The following MKLN1 variants were observed in gnomAD, a reference collection of about 807,000 sequenced individuals.
The protein encoded by MKLN1 is muskelin 1, also known as muskelin.
A neutral mutation model predicts 99.0 loss-of-function variants in MKLN1; 18 were observed. The ratio of observed to expected loss-of-function variants is 0.18; its 90% confidence interval spans 0.13 to 0.27. The LOEUF (loss-of-function observed/expected upper bound fraction) is 0.27. Ranked by LOEUF, MKLN1 falls within the 10% of genes least tolerant of loss-of-function variation. The pLI, the probability that MKLN1 is intolerant of heterozygous loss-of-function variation, is 1.00. For synonymous variants in MKLN1, 288 were observed against 293.2 expected (o/e 0.98, Z 0.18); for missense variants, 621 against 875.9 (o/e 0.71, Z 3.67).
At chr7:131,385,118 G>A (rs1039310376) in intron 2 of MKLN1, among the ~76,000 whole-genome samples, 1 of 152,176 alleles carries the variant, frequency 6.6e-6, no homozygotes, top group African/African-American at 2.4e-5. Flanking sequence ...GGGTAAGTCA[G>A]ACTGGCTTTT....
intron 1 of MKLN1, among the ~76,000 whole-genome samples, chr7:131,349,894 A>C (rs1257985931): frequency 6.6e-6 from 1 of 152,130 alleles, no homozygotes; most frequent in East Asian, 1.9e-4. Context: ...TGGTCGCTCC[A>C]TTCATTCTTG....
At chr7:131,325,234 G>A (rs1290373461), upstream of MKLN1, among the ~76,000 whole-genome samples, 1 of 151,774 alleles carries the variant, frequency 6.6e-6, no homozygotes, top group Non-Finnish European at 1.5e-5. Context: ...GAGAAAGAAA[G>A]GGGAAAAAAG....
upstream of MKLN1, among the ~76,000 whole-genome samples, chr7:131,326,035 T>C (rs1202660926): frequency 1.3e-5 from 2 of 152,194 alleles, no homozygotes; most frequent in African/African-American, 4.8e-5. Flanking sequence ...TAACATGTGT[T>C]TTTAAAAAAG....
At chr7:131,335,324 T>C (rs1799219839) in intron 1 of MKLN1, among the ~76,000 whole-genome samples, 4 of 152,166 alleles carry the variant, frequency 2.6e-5, no homozygotes, top group Non-Finnish European at 4.4e-5. Context: ...AAAGATATTG[T>C]TTGTTTAATG....
At chr7:131,444,749 AGTAGTAGT>A (rs1563351893) in intron 11 of MKLN1, among the ~76,000 whole-genome samples, 2,360 of 102,752 alleles carry the variant, frequency 0.023, 21 homozygotes, top group East Asian at 0.035. Context: ...TAGTAGTAGT[AGTAGTAGT>A]AGAAGAAGTA....
At position 131,297,369 on chromosome 7, in the gene MKLN1, AAT is replaced by A. The variant is rs201391394; in HGVS notation, c.-178-78042_-178-78041del. Among the ~76,000 whole-genome samples, 147 of 149,710 alleles carry A rather than the reference AAT, an allele frequency of 9.8e-4. 1 individual carries two copies. Among genetic ancestry groups the A allele is most frequent in the African/African-American group, 3.0e-3 (123 of 40,974 alleles). ...AGCGAGACTCCGTCTCAAAAAACAA[AAT>A]ATATATATATATGTGTGTGTGTATA... On this transcript the variant is annotated intron_variant, in intron 3 of 7. Transcript: ENST00000416992.
chr7:131,262,309 C>T (rs1456940857), intron 3 of MKLN1, among the ~76,000 whole-genome samples: 4 of 151,594 alleles, frequency 2.6e-5, no homozygotes, highest in South Asian at 2.1e-4. Flanking sequence ...TGGTGGCGTG[C>T]GACTGTAGTA....
At chr7:131,483,093 TTTTAC>T (rs1797170387) in intron 17 of MKLN1, among the ~76,000 whole-genome samples, 1 of 152,200 alleles carries the variant, frequency 6.6e-6, no homozygotes, top group South Asian at 2.1e-4. Context: ...CCTCTTTCCA[TTTTAC>T]TTTATTTATG....
At chr7:131,172,616 G>T (rs998266968) in intron 2 of MKLN1, among the ~76,000 whole-genome samples, 9 of 152,116 alleles carry the variant, frequency 5.9e-5, no homozygotes, top group Non-Finnish European at 1.3e-4. Flanking sequence ...TGCCGGCCAA[G>T]AATTAATTTA....
rs1217754471 is a variant in MKLN1 at position 131,208,048 on chromosome 7, C to G, written c.-179+5074C>G. On this transcript the variant is annotated intron_variant, in intron 3 of 7. Coordinates refer to the MKLN1 transcript ENST00000416992. ...TCCCAGATGTTTCTTTTCAATTGTC[C>G]CAGACCTTCGGAAAAGAGTGAGAAA... Among the ~76,000 whole-genome samples the G allele has an allele frequency of 3.3e-5, 5 of 152,042 alleles. No individual in the cohort carries two copies. In the East Asian group the frequency reaches 9.6e-4, roughly 29 times the overall value.
intron 3 of MKLN1, among the ~76,000 whole-genome samples, chr7:131,222,984 G>A (rs1485439909): frequency 6.6e-6 from 1 of 152,128 alleles, no homozygotes; most frequent in Non-Finnish European, 1.5e-5. Context: ...GGAGGTTGCA[G>A]AGATCACGCC....
chr7:131,120,600 C>G (rs2116193667), intron 1 of MKLN1, among the ~76,000 whole-genome samples: 1 of 151,512 alleles, frequency 6.6e-6, no homozygotes, highest in African/African-American at 2.4e-5. Context: ...GCCAAATACC[C>G]TACATCATGT....
At chr7:131,227,232 C>A (rs78216635) in intron 3 of MKLN1, among the ~76,000 whole-genome samples, 1 of 152,202 alleles carries the variant, frequency 6.6e-6, no homozygotes, top group Non-Finnish European at 1.5e-5. Flanking sequence ...TTCTATGAAA[C>A]CTTCCTTGCC....
At chr7:131,396,501 T>G (rs1201906731) in intron 4 of MKLN1, among the ~76,000 whole-genome samples, 2 of 152,216 alleles carry the variant, frequency 1.3e-5, no homozygotes, top group Non-Finnish European at 1.5e-5. Flanking sequence ...ATATTGGACA[T>G]CTTTGTCTTG....
chr7:131,266,709 G>A (rs1220351309), intron 3 of MKLN1, among the ~76,000 whole-genome samples: 1 of 151,936 alleles, frequency 6.6e-6, no homozygotes, highest in Admixed American at 6.6e-5. Flanking sequence ...TCAGTTCCCT[G>A]ACTCAGTTTC....
At chr7:131,466,933 G>GCA (rs1562880984) in intron 15 of MKLN1, among the ~76,000 whole-genome samples, 5 of 151,920 alleles carry the variant, frequency 3.3e-5, no homozygotes, top group African/African-American at 1.2e-4. Flanking sequence ...ACGCGCGCGC[G>GCA]CGCACACACG....
intron 8 of MKLN1, among the ~76,000 whole-genome samples, chr7:131,428,731 A>G (rs1418059774): frequency 6.6e-6 from 1 of 152,220 alleles, no homozygotes; most frequent in Non-Finnish European, 1.5e-5. Context: ...GATACTTTAC[A>G]AATACAGACC....
exon 2 of MKLN1, chr7:131,142,913 A>C (rs1795757929): frequency 7.7e-7 from 1 of 1,305,188 alleles, no homozygotes; most frequent in Non-Finnish European, 1.0e-6. Context: ...AACCTGCTCC[A>C]TGCTTGAAAA....
At chr7:131,456,846 T>C (rs1263017666) in intron 12 of MKLN1, among the ~76,000 whole-genome samples, 1 of 152,016 alleles carries the variant, frequency 6.6e-6, no homozygotes, top group Non-Finnish European at 1.5e-5. Context: ...TCCTCTCCAA[T>C]ATATCTTACC....
Sources: allele counts gnomAD v4.1 joint callset (sites outside exome capture counted in the v4.1 genomes callset), GRCh38; gene constraint gnomAD v4.1.1; transcripts MANE v1.5; gene names NCBI Gene and HGNC (gene_info 2026-07-23, HGNC 2026-07-21).